Variants in ZEB1 observed in about 807,000 individuals in gnomAD.
ZEB1 encodes the protein zinc finger E-box binding homeobox 1, also known as zinc finger E-box-binding homeobox 1.
ZEB1 carries 21 observed loss-of-function variants against 84.9 expected under a neutral mutation model. That is an observed-to-expected ratio of 0.25 (90% CI 0.18 to 0.36). ZEB1 has a LOEUF of 0.36. Ranked by LOEUF, ZEB1 falls within the 10% of genes least tolerant of loss-of-function variation. The pLI, the probability that ZEB1 is intolerant of heterozygous loss-of-function variation, is 1.00. For synonymous variants in ZEB1, 420 were observed against 471.1 expected (o/e 0.89, Z 1.41); for missense variants, 1,104 against 1,330.2 (o/e 0.83, Z 2.65).
chr10:31,355,812 A>G (rs538999085), intron 1 of ZEB1, among the ~76,000 whole-genome samples: 1 of 152,282 alleles, frequency 6.6e-6, no homozygotes, highest in South Asian at 2.1e-4. Flanking sequence ...TGCATTCTTC[A>G]GGATTTTTTG....
chr10:31,399,926 A>C (rs1192766581), intron 1 of ZEB1, among the ~76,000 whole-genome samples: 1 of 152,026 alleles, frequency 6.6e-6, no homozygotes, highest in Non-Finnish European at 1.5e-5. Context: ...GAGCCTTTGC[A>C]CTGGTTGTTC....
At chr10:31,434,754 TA>T (rs2058096446) in intron 1 of ZEB1, among the ~76,000 whole-genome samples, 2 of 152,072 alleles carry the variant, frequency 1.3e-5, no homozygotes, top group Admixed American at 6.5e-5. Context: ...TGTAGCGGAA[TA>T]AAAAATAATA....
At chr10:31,463,900 T>G (rs1388095761) in intron 2 of ZEB1, among the ~76,000 whole-genome samples, 5 of 152,156 alleles carry the variant, frequency 3.3e-5, no homozygotes, top group Non-Finnish European at 7.3e-5. Context: ...GAGTGAGAAT[T>G]ACCAGAAACA....
chr10:31,509,127 G>A (rs2069504979), intron 4 of ZEB1, among the ~76,000 whole-genome samples: 1 of 152,176 alleles, frequency 6.6e-6, no homozygotes, highest in African/African-American at 2.4e-5. Context: ...GGGCTCAACA[G>A]GATGTAGTCT....
At chr10:31,414,835 A>G (rs1358380242) in intron 1 of ZEB1, among the ~76,000 whole-genome samples, 1 of 152,176 alleles carries the variant, frequency 6.6e-6, no homozygotes, top group Non-Finnish European at 1.5e-5. Flanking sequence ...TCACTTGGTT[A>G]TAAATAGCAT....
Position 31,523,976 on chromosome 10 carries a change from A to T in ZEB1, c.2648A>T (p.Glu883Val). The T allele has an allele frequency of 1.2e-6, 2 of 1,614,024 alleles. No homozygotes were observed. Among genetic ancestry groups the T allele is most frequent in the Non-Finnish European group, 1.7e-6 (2 of 1,179,942 alleles). ...AGCTCAGAAGGAGTATCAAATGTAG[A>T]GGATCAGAATGACTCTGATTCTACA... ...DTSSEGVSNV[E>V]DQNDSDSTPP... The change falls in exon 8 of 9, where the codon GAG becomes GTG. Residue 883 changes from glutamate to valine, a missense_variant. Physicochemically the swap from Glu to Val is moderately radical, Grantham distance 121. This residue lies in a region of ZEB1 where 531 missense variants were observed against 575.2 expected (regional missense o/e 0.92). Coordinates refer to ENST00000424869, the MANE Select transcript of ZEB1 (RefSeq NM_001174096.2).
rs2061767834 is a variant in ZEB1, at chr10:31,461,194, C to T, written c.216C>T (p.Ser72=). Residue 72 remains serine (S), a synonymous_variant, in exon 2 of 9, where the codon AGC becomes AGT. Transcript: ENST00000424869. ...PTDQTVLPGR[S]SEREGNAKNC... ...ACCAGACAGTGTTACCAGGGAGGAG[C>T]AGTGAAAGAGAAGGGAATGCTAAGA... 3 of 1,613,116 alleles carry T rather than the reference C, an allele frequency of 1.9e-6. No homozygotes were observed. The highest frequency in any genetic ancestry group is 2.7e-5 in the African/African-American group (2 of 74,820).
chr10:31,411,027 C>T lies in ZEB1; in HGVS notation c.59-50010C>T, dbSNP rs377540176. ...TGCTCTGATCTTAGTTATTTCTTGT[C>T]GTCTGCTAGCTTTTGAATTTGTTTG... On this transcript the variant is annotated intron_variant, in intron 1 of 8. Coordinates refer to ENST00000424869, the MANE Select transcript of ZEB1 (RefSeq NM_001174096.2). 2.8e-4 allele frequency among the ~76,000 whole-genome samples: 43 copies of T among 152,162 alleles called. 1 individual carries two copies. Among genetic ancestry groups the T allele is most frequent in the East Asian group, 2.1e-3 (11 of 5,172 alleles).
Position 31,377,040 on chromosome 10 carries a change from A to C in ZEB1, c.58+57748A>C, listed in dbSNP as rs538751314. Among the ~76,000 whole-genome samples the C allele has an allele frequency of 1.6e-4, 24 of 151,136 alleles. 1 individual carries two copies. The South Asian group carries it at 4.8e-3, about 30-fold the overall frequency. On this transcript the variant is annotated intron_variant, in intron 1 of 8. Coordinates refer to ENST00000424869, the MANE Select transcript of ZEB1 (RefSeq NM_001174096.2). ...TTTAGCTGAATTTCAGCAGTCACTC[A>C]AAGGCTTTCTAGAGATGCCATCTAG...
intron 1 of ZEB1, among the ~76,000 whole-genome samples, chr10:31,381,267 G>T (rs893885594): frequency 6.6e-6 from 1 of 152,014 alleles, no homozygotes. Flanking sequence ...GCTCTAAAAT[G>T]ATTTATTAAA....
intron 1 of ZEB1, among the ~76,000 whole-genome samples, chr10:31,350,657 T>C (rs917336929): frequency 6.6e-6 from 1 of 152,158 alleles, no homozygotes; most frequent in African/African-American, 2.4e-5. Flanking sequence ...ATTAGCTTCC[T>C]AAACTAAGAA....
intron 1 of ZEB1, among the ~76,000 whole-genome samples, chr10:31,323,924 A>G (rs1458981158): frequency 2.6e-5 from 4 of 151,290 alleles, no homozygotes; most frequent in Non-Finnish European, 5.9e-5. Context: ...TTGCCAGGTA[A>G]GCCTGTGTTA....
intron 1 of ZEB1, among the ~76,000 whole-genome samples, chr10:31,364,780 C>T (rs2044134733): frequency 6.6e-6 from 1 of 152,236 alleles, no homozygotes; most frequent in Non-Finnish European, 1.5e-5. Context: ...CCACAGCTGG[C>T]GCTCTGGCCT....
intron 1 of ZEB1, among the ~76,000 whole-genome samples, chr10:31,340,072 G>C (rs931186561): frequency 1.3e-5 from 2 of 152,074 alleles, no homozygotes; most frequent in African/African-American, 4.8e-5. Context: ...TTTCTTGATT[G>C]TATCTTTAAA....
intron 1 of ZEB1, among the ~76,000 whole-genome samples, chr10:31,427,748 A>G (rs957494991): frequency 6.6e-6 from 1 of 151,614 alleles, no homozygotes; most frequent in African/African-American, 2.4e-5. Context: ...AGTCCCAGCT[A>G]CTCGAGAGGC....
intron 8 of ZEB1, 86 bp downstream of exon 8, chr10:31,524,199 TTTC>T (rs2072948674): frequency 4.9e-6 from 7 of 1,416,898 alleles, no homozygotes; most frequent in Admixed American, 2.1e-5. Context: ...TAGAATTTTC[TTTC>T]TTTTTTTTTT....
At chr10:31,439,681 G>C (rs2058685383) in intron 1 of ZEB1, among the ~76,000 whole-genome samples, 1 of 151,888 alleles carries the variant, frequency 6.6e-6, no homozygotes, top group African/African-American at 2.4e-5. Flanking sequence ...GGGGGTGGGG[G>C]TGGTATTTAA....
intron 1 of ZEB1, among the ~76,000 whole-genome samples, chr10:31,382,025 A>AAAAAAAAAAAAAAAAAAC (rs1564659083): frequency 6.8e-6 from 1 of 146,072 alleles, no homozygotes; most frequent in African/African-American, 2.7e-5. Context: ...AAAAAAAAAA[A>AAAAAAAAAAAAAAAAAAC]AAAAAAAAAC....
At chr10:31,368,555 TA>T (rs1396404272) in intron 1 of ZEB1, among the ~76,000 whole-genome samples, 1 of 152,284 alleles carries the variant, frequency 6.6e-6, no homozygotes, top group Non-Finnish European at 1.5e-5. Context: ...TTATTTGTAT[TA>T]TTTTTTATTG....
Sources: allele counts gnomAD v4.1 joint callset (sites outside exome capture counted in the v4.1 genomes callset), GRCh38; gene constraint gnomAD v4.1.1; regional missense constraint gnomAD v4.1.1; transcripts MANE v1.5; gene names NCBI Gene and HGNC (gene_info 2026-07-23, HGNC 2026-07-21).